GRM7: variants seen among roughly 807,000 people sequenced by gnomAD.
GRM7 encodes the protein metabotropic glutamate receptor 7.
Under a neutral mutation model 84.5 loss-of-function variants are expected in GRM7, and 35 were observed. The ratio of observed to expected loss-of-function variants is 0.41; its 90% CI spans 0.32 to 0.55. The LOEUF is 0.55. Among genes scored for constraint, GRM7 ranks in the 20% least tolerant of loss-of-function variants. The pLI, the probability that GRM7 is intolerant of heterozygous loss-of-function variation, is 0.19. For synonymous variants in GRM7, 487 were observed against 455.1 expected (o/e 1.07, Z -0.89); for missense variants, 1,003 against 1,194.6 (o/e 0.84, Z 2.36).
intron 2 of GRM7, among the ~76,000 whole-genome samples, chr3:7,249,267 T>A (rs1195693039): frequency 3.9e-5 from 6 of 152,244 alleles, no homozygotes; most frequent in Non-Finnish European, 1.5e-5. Context: ...GTAGCTTACT[T>A]TGCTATTGAA....
At chr3:7,338,084 A>G (rs1020087993) in intron 4 of GRM7, among the ~76,000 whole-genome samples, 11 of 149,762 alleles carry the variant, frequency 7.3e-5, no homozygotes. Context: ...ATACATTTAT[A>G]TATTATATAT....
At chr3:7,164,829 T>C (rs1694747759) in intron 2 of GRM7, among the ~76,000 whole-genome samples, 1 of 152,224 alleles carries the variant, frequency 6.6e-6, no homozygotes, top group Non-Finnish European at 1.5e-5. Flanking sequence ...CTTGTAATGA[T>C]AGACTCAAAG....
At chr3:7,652,545 G>T (rs1159597049) in intron 8 of GRM7, among the ~76,000 whole-genome samples, 1 of 152,250 alleles carries the variant, frequency 6.6e-6, no homozygotes, top group South Asian at 2.1e-4. Context: ...TCCAGTGAGG[G>T]GAACAAACAT....
At position 7,237,564 on chromosome 3, in the gene GRM7, C is replaced by G. The variant is rs372777516; in HGVS notation, c.737-61120C>G. 1.1e-4 allele frequency among the ~76,000 whole-genome samples: 17 copies of G among 152,168 alleles called. No individual in the cohort carries two copies. In the East Asian group the frequency reaches 3.3e-3, roughly 30 times the overall value. ...TGTTCCTTCTGATATTCAGATGTGT[C>G]CGGAGTTTCTTCCTTCTGGTGGGTT... On this transcript the variant is annotated intron_variant, in intron 2 of 9. Transcript: ENST00000357716.
intron 2 of GRM7, among the ~76,000 whole-genome samples, chr3:7,176,229 TAAAAAAAA>T (rs55732650): frequency 1.6e-4 from 10 of 63,144 alleles, no homozygotes; most frequent in African/African-American, 6.3e-4. Flanking sequence ...CTATAAAAAG[TAAAAAAAA>T]AAAAAAAAAA....
chr3:7,026,627 A>T (rs1229888120), intron 1 of GRM7, among the ~76,000 whole-genome samples: 1 of 152,226 alleles, frequency 6.6e-6, no homozygotes, highest in Non-Finnish European at 1.5e-5. Flanking sequence ...AAAAATGCTC[A>T]ATTATGCAAA....
At chr3:7,656,201 A>C (rs1191456783) in intron 8 of GRM7, among the ~76,000 whole-genome samples, 2 of 152,010 alleles carry the variant, frequency 1.3e-5, no homozygotes, top group African/African-American at 4.8e-5. Flanking sequence ...TTAAATGTGC[A>C]TTTCCTGGCT....
intron 5 of GRM7, among the ~76,000 whole-genome samples, chr3:7,426,821 T>C (rs1297865007): frequency 6.6e-6 from 1 of 152,224 alleles, no homozygotes; most frequent in Non-Finnish European, 1.5e-5. Context: ...AGGAACTACT[T>C]GTTTTGGAAC....
At chr3:6,979,248 A>G (rs1230936143) in intron 1 of GRM7, among the ~76,000 whole-genome samples, 1 of 152,200 alleles carries the variant, frequency 6.6e-6, no homozygotes, top group Non-Finnish European at 1.5e-5. Context: ...ACAGCAGGGT[A>G]GGTCAGCCAT....
At chr3:7,307,057 C>T (rs751942794) in intron 4 of GRM7, among the ~76,000 whole-genome samples, 3 of 152,066 alleles carry the variant, frequency 2.0e-5, no homozygotes, top group Non-Finnish European at 2.9e-5. Flanking sequence ...AACCCTTTCC[C>T]CCCTTATCTC....
chr3:7,675,685 G>C (rs1700093173), intron 8 of GRM7, among the ~76,000 whole-genome samples: 1 of 152,184 alleles, frequency 6.6e-6, no homozygotes, highest in African/African-American at 2.4e-5. Flanking sequence ...GACATGAATA[G>C]GAGTGGGCTT....
intron 2 of GRM7, among the ~76,000 whole-genome samples, chr3:7,229,722 C>CATATATAT (rs772166647): frequency 1.4e-3 from 37 of 25,764 alleles, no homozygotes; most frequent in Admixed American, 4.0e-3. Context: ...TCCATAGACA[C>CATATATAT]ACACATATAT....
At chr3:7,043,038 A>T (rs1250832357) in intron 1 of GRM7, among the ~76,000 whole-genome samples, 1 of 152,198 alleles carries the variant, frequency 6.6e-6, no homozygotes, top group African/African-American at 2.4e-5. Flanking sequence ...CTTCTGAGGA[A>T]AACACTGTTT....
At chr3:7,339,467 C>G (rs1024000849) in intron 4 of GRM7, among the ~76,000 whole-genome samples, 6 of 152,134 alleles carry the variant, frequency 3.9e-5, no homozygotes, top group Admixed American at 1.3e-4. Context: ...TTTCTGGTCT[C>G]TGATAGAATC....
intron 2 of GRM7, among the ~76,000 whole-genome samples, chr3:7,229,753 A>ATTTTTTTTTT (rs1179627514): frequency 7.9e-4 from 23 of 29,268 alleles, no homozygotes; most frequent in African/African-American, 2.9e-3. Context: ...ATATATATAT[A>ATTTTTTTTTT]TATATATTTT....
At chr3:7,225,357 T>A (rs116663894) in intron 2 of GRM7, among the ~76,000 whole-genome samples, 2 of 148,926 alleles carry the variant, frequency 1.3e-5, no homozygotes, top group African/African-American at 2.4e-5. Context: ...ATACAATTTC[T>A]TATTTTATCT....
intron 4 of GRM7, among the ~76,000 whole-genome samples, chr3:7,307,194 T>C (rs536082569): frequency 5.3e-5 from 8 of 152,216 alleles, no homozygotes; most frequent in Non-Finnish European, 1.0e-4. Context: ...TCTAAACTTA[T>C]GCCTCTTTCT....
intron 8 of GRM7, among the ~76,000 whole-genome samples, chr3:7,586,659 T>A (rs992207848): frequency 3.3e-5 from 5 of 152,076 alleles, no homozygotes; most frequent in African/African-American, 1.2e-4. Flanking sequence ...AATACAAGAA[T>A]TAGCCAGGCA....
At chr3:7,224,204 C>T (rs898284594) in intron 2 of GRM7, among the ~76,000 whole-genome samples, 3 of 152,092 alleles carry the variant, frequency 2.0e-5, no homozygotes, top group African/African-American at 7.2e-5. Flanking sequence ...TCTGGGGAAG[C>T]CTGAGGAAAC....
Sources: gnomAD v4.1 joint callset for allele counts (sites outside exome capture counted in the v4.1 genomes callset) on GRCh38, gnomAD v4.1.1 for gene constraint, MANE v1.5 for transcripts, NCBI Gene and HGNC (gene_info 2026-07-23, HGNC 2026-07-21) for gene names.